CDH18: variants seen among roughly 807,000 people sequenced by gnomAD.
CDH18 encodes cadherin-18.
In CDH18, 31 loss-of-function variants were observed where a neutral mutation model predicts 67.9. The ratio of observed to expected loss-of-function variants is 0.46; its 90% confidence interval spans 0.34 to 0.62. The LOEUF (loss-of-function observed/expected upper bound fraction) is 0.62. Among genes scored for constraint, CDH18 ranks in the 20% least tolerant of loss-of-function variants. CDH18 has a pLI of 0.01. For missense variants in CDH18, 890 were observed against 975.5 expected, an observed-to-expected ratio of 0.91 and a Z score of 1.17; for synonymous variants, 362 against 347.2, an observed-to-expected ratio of 1.04 and a Z score of -0.48.
intron 2 of CDH18, among the ~76,000 whole-genome samples, chr5:19,942,759 G>C (rs1370929195): frequency 6.6e-6 from 1 of 152,280 alleles, no homozygotes; most frequent in East Asian, 1.9e-4. Flanking sequence ...AGCAAAGTGT[G>C]AGCAGAAAAT....
intron 6 of CDH18, among the ~76,000 whole-genome samples, chr5:19,593,009 T>C (rs1287584110): frequency 6.6e-6 from 1 of 152,116 alleles, no homozygotes; most frequent in African/African-American, 2.4e-5. Flanking sequence ...GATCTCTTTT[T>C]TTAAGGCTAA....
At chr5:19,717,988 T>C (rs535333731) in intron 5 of CDH18, among the ~76,000 whole-genome samples, 1 of 152,064 alleles carries the variant, frequency 6.6e-6, no homozygotes, top group Admixed American at 6.6e-5. Context: ...TTAAAAACAA[T>C]ACATTTTTTT....
At chr5:20,509,406 C>CGTT (rs1754874821) in intron 1 of CDH18, among the ~76,000 whole-genome samples, 1 of 105,446 alleles carries the variant, frequency 9.5e-6, no homozygotes. Context: ...ACAGGATTTC[C>CGTT]CTTTTTTTTT....
At chr5:19,549,436 T>C (rs1349154329) in intron 8 of CDH18, among the ~76,000 whole-genome samples, 1 of 152,120 alleles carries the variant, frequency 6.6e-6, no homozygotes, top group Admixed American at 6.6e-5. Flanking sequence ...TAACCTCTTT[T>C]CTTTATAAAT....
intron 2 of CDH18, among the ~76,000 whole-genome samples, chr5:20,173,898 G>A (rs1330741504): frequency 1.3e-5 from 2 of 151,934 alleles, no homozygotes; most frequent in South Asian, 2.1e-4. Flanking sequence ...TGTAGTAGTG[G>A]GCTAAAACCT....
chr5:19,957,712 C>T (rs1397622010), intron 2 of CDH18, among the ~76,000 whole-genome samples: 1 of 151,936 alleles, frequency 6.6e-6, no homozygotes, highest in East Asian at 1.9e-4. Flanking sequence ...ATTGGCCTTA[C>T]TCTTTGTCCA....
At chr5:19,584,676 A>C (rs1367528961) in intron 7 of CDH18, among the ~76,000 whole-genome samples, 3 of 150,872 alleles carry the variant, frequency 2.0e-5, no homozygotes, top group Non-Finnish European at 4.4e-5. Flanking sequence ...GGCCAGATGC[A>C]GTGGCTCACA....
chr5:19,985,072 T>C (rs1246270334), intron 1 of CDH18, among the ~76,000 whole-genome samples: 3 of 152,126 alleles, frequency 2.0e-5, no homozygotes, highest in Admixed American at 6.5e-5. Flanking sequence ...AAAATTAAAG[T>C]GAAATTTGTC....
intron 2 of CDH18, among the ~76,000 whole-genome samples, chr5:20,084,433 C>A (rs1580201532): frequency 1.3e-5 from 2 of 152,302 alleles, no homozygotes; most frequent in South Asian, 2.1e-4. Flanking sequence ...TGAGTGTCTG[C>A]AGCTTTTCCA....
At chr5:19,716,188 C>T (rs1765318485) in intron 5 of CDH18, among the ~76,000 whole-genome samples, 1 of 152,020 alleles carries the variant, frequency 6.6e-6, no homozygotes, top group Non-Finnish European at 1.5e-5. Context: ...GGACTAAGAG[C>T]ATTGCCCTCA....
At chr5:19,799,416 T>A (rs995466032) in intron 3 of CDH18, among the ~76,000 whole-genome samples, 10 of 147,380 alleles carry the variant, frequency 6.8e-5, no homozygotes, top group Non-Finnish European at 1.2e-4. Flanking sequence ...ACAGGAATGT[T>A]CCCATGTTAA....
rs1309870757 is a variant in CDH18 at position 20,541,519 on chromosome 5, C to A, written c.-580+33943G>T. ...AAATTACTTTTAAAATAATTAAAAC[C>A]CTAGATAAAATATTAAAAATAAACT... On this transcript the variant is annotated intron_variant, in intron 1 of 14. Coordinates refer to the CDH18 transcript ENST00000507958. 2.0e-5 allele frequency among the ~76,000 whole-genome samples: 3 copies of A among 151,678 alleles called. No individual in the cohort carries two copies. The East Asian group carries it at 5.8e-4, about 29-fold the overall frequency.
intron 1 of CDH18, among the ~76,000 whole-genome samples, chr5:20,494,337 G>A (rs1753780025): frequency 6.6e-6 from 1 of 152,074 alleles, no homozygotes; most frequent in Non-Finnish European, 1.5e-5. Context: ...GATAAGAGAA[G>A]AAGCAGTAAT....
chr5:20,029,816 C>T (rs892911735), intron 2 of CDH18, among the ~76,000 whole-genome samples: 1 of 152,070 alleles, frequency 6.6e-6, no homozygotes, highest in Non-Finnish European at 1.5e-5. Flanking sequence ...CAACACAGTC[C>T]TATATATAAG....
intron 5 of CDH18, among the ~76,000 whole-genome samples, chr5:19,640,794 T>C (rs1233155381): frequency 6.7e-6 from 1 of 149,468 alleles, no homozygotes; most frequent in Non-Finnish European, 1.5e-5. Flanking sequence ...CTAGAGAGAG[T>C]AAAACGAAAC....
intron 1 of CDH18, among the ~76,000 whole-genome samples, chr5:20,453,215 A>C (rs981823229): frequency 3.3e-5 from 5 of 152,178 alleles, no homozygotes; most frequent in African/African-American, 1.2e-4. Context: ...CATATAGTCT[A>C]GGACTCAAGT....
intron 10 of CDH18, among the ~76,000 whole-genome samples, chr5:19,516,811 T>G (rs1191586739): frequency 6.6e-6 from 1 of 152,138 alleles, no homozygotes; most frequent in Non-Finnish European, 1.5e-5. Flanking sequence ...GCTCCTGGAT[T>G]CATTGATTTT....
At chr5:19,679,724 C>G (rs889351041) in intron 5 of CDH18, among the ~76,000 whole-genome samples, 7 of 151,856 alleles carry the variant, frequency 4.6e-5, no homozygotes, top group African/African-American at 1.7e-4. Flanking sequence ...TCTAATAATA[C>G]AGCTAAGTGT....
intron 5 of CDH18, among the ~76,000 whole-genome samples, chr5:19,623,029 C>T (rs1750953626): frequency 6.6e-6 from 1 of 152,132 alleles, no homozygotes; most frequent in Non-Finnish European, 1.5e-5. Flanking sequence ...ATATTGTGTA[C>T]CTACCATGTC....
Sources: allele counts gnomAD v4.1 joint callset (sites outside exome capture counted in the v4.1 genomes callset), GRCh38; gene constraint gnomAD v4.1.1; transcripts MANE v1.5; gene names NCBI Gene and HGNC (gene_info 2026-07-23, HGNC 2026-07-21).